Variants in NEGR1 observed in about 807,000 individuals in gnomAD.
The protein encoded by NEGR1 is IgLON family member 4.
A neutral mutation model predicts 40.9 loss-of-function variants in NEGR1; 10 were observed. The observed-to-expected ratio is 0.24, with a 90% CI of 0.15 to 0.42. The LOEUF is 0.42. Among genes scored for constraint, NEGR1 ranks in the 10% least tolerant of loss-of-function variants. The pLI, the probability that NEGR1 is intolerant of heterozygous loss-of-function variation, is 1.00. For missense variants in NEGR1, 352 were observed against 438.9 expected (o/e 0.80, Z 1.77); for synonymous variants, 185 against 166.8 (o/e 1.11, Z -0.84).
intron 1 of NEGR1, among the ~76,000 whole-genome samples, chr1:71,953,605 G>C (rs1047226268): frequency 6.6e-6 from 1 of 151,976 alleles, no homozygotes; most frequent in Non-Finnish European, 1.5e-5. Context: ...CTATCAAAAA[G>C]TATTGGATGG....
At chr1:72,015,602 T>G (rs1370805779) in intron 1 of NEGR1, among the ~76,000 whole-genome samples, 1 of 152,084 alleles carries the variant, frequency 6.6e-6, no homozygotes, top group Non-Finnish European at 1.5e-5. Flanking sequence ...CCCAGGAAGT[T>G]GAGGCTGTAC....
chr1:71,493,428 T>A (rs925377581), intron 6 of NEGR1, among the ~76,000 whole-genome samples: 3 of 152,168 alleles, frequency 2.0e-5, no homozygotes, highest in Non-Finnish European at 2.9e-5. Context: ...ATTCCCCTTG[T>A]TTTGGTAAGT....
chr1:72,272,473 ATC>A (rs1421158196), intron 1 of NEGR1, among the ~76,000 whole-genome samples: 2 of 151,972 alleles, frequency 1.3e-5, no homozygotes, highest in Admixed American at 1.3e-4. Context: ...AAACTTTATG[ATC>A]TGTTTATTAG....
intron 4 of NEGR1, among the ~76,000 whole-genome samples, chr1:71,672,149 G>A (rs1652458260): frequency 6.6e-6 from 1 of 152,058 alleles, no homozygotes; most frequent in South Asian, 2.1e-4. Context: ...AAGATTGAAG[G>A]CTTACCAGTT....
At chr1:72,170,241 G>T (rs886494373) in intron 1 of NEGR1, among the ~76,000 whole-genome samples, 12 of 152,114 alleles carry the variant, frequency 7.9e-5, no homozygotes, top group Non-Finnish European at 1.8e-4. Flanking sequence ...TAATTGACAT[G>T]AATCTATATT....
chr1:71,718,008 A>G (rs1244303302), intron 3 of NEGR1, among the ~76,000 whole-genome samples: 1 of 152,170 alleles, frequency 6.6e-6, no homozygotes, highest in Non-Finnish European at 1.5e-5. Context: ...ATTGTGAGAC[A>G]ATACATTTCT....
Position 71,776,267 on chromosome 1 carries a change from T to G in NEGR1, c.440A>C (p.Asp147Ala). Residue 147 changes from aspartate (D) to alanine (A), a missense_variant, in exon 3 of 7, where the codon GAT (aspartate) becomes GCT (alanine). Physicochemically the swap from Asp to Ala is moderately radical, Grantham distance 126 (BLOSUM62 -2). This residue lies in a region of NEGR1 where 50 missense variants were observed against 53.0 expected (regional missense o/e 0.94). Transcript: ENST00000357731. ...GTTGGTTCCTTCATTGACGGTCATA[T>G]CATTTGAGATGTCATATATCTTAGG... Reference protein sequence around the residue: ...VPPKIYDISNDMTVNEGTNVT... With the variant: ...VPPKIYDISNAMTVNEGTNVT... 1.2e-6 allele frequency: 2 copies of G among 1,602,136 alleles called. No individual in the cohort carries two copies. The highest frequency in any genetic ancestry group is 8.5e-7 in the Non-Finnish European group (1 of 1,172,068).
At chr1:72,040,671 G>T (rs1284477156) in intron 1 of NEGR1, among the ~76,000 whole-genome samples, 2 of 149,506 alleles carry the variant, frequency 1.3e-5, no homozygotes, top group Admixed American at 1.3e-4. Context: ...GGGTTTGTGT[G>T]TGTATGTGTA....
At chr1:71,576,266 T>G (rs1387418083) in intron 6 of NEGR1, among the ~76,000 whole-genome samples, 3 of 152,216 alleles carry the variant, frequency 2.0e-5, no homozygotes, top group Non-Finnish European at 2.9e-5. Context: ...TTTTTTTTGT[T>G]GTTGTTGTTC....
intron 4 of NEGR1, among the ~76,000 whole-genome samples, chr1:71,612,288 G>T (rs1036623008): frequency 1.3e-5 from 2 of 152,214 alleles, no homozygotes; most frequent in African/African-American, 4.8e-5. Context: ...GGGTATGCCA[G>T]ATTTCCTTTT....
At chr1:71,827,246 T>TA (rs1481888870) in intron 2 of NEGR1, among the ~76,000 whole-genome samples, 1 of 151,822 alleles carries the variant, frequency 6.6e-6, no homozygotes, top group African/African-American at 2.4e-5. Context: ...GTCTTTCCTT[T>TA]AAAAAAATAT....
chr1:71,620,628 C>T (rs974788377), intron 4 of NEGR1, among the ~76,000 whole-genome samples: 6 of 151,894 alleles, frequency 4.0e-5, no homozygotes, highest in South Asian at 2.1e-4. Flanking sequence ...GAATTAATTT[C>T]ACCTTAAAGG....
chr1:71,802,518 T>A (rs1166568108), intron 2 of NEGR1, among the ~76,000 whole-genome samples: 2 of 152,304 alleles, frequency 1.3e-5, no homozygotes, highest in East Asian at 3.9e-4. Context: ...AGGCAGATTA[T>A]TTACTTCTCA....
At chr1:71,653,255 T>C (rs1350427214) in intron 4 of NEGR1, among the ~76,000 whole-genome samples, 4 of 152,238 alleles carry the variant, frequency 2.6e-5, no homozygotes, top group African/African-American at 9.6e-5. Flanking sequence ...CAGTCTTTAA[T>C]TTAACTAAAA....
intron 1 of NEGR1, among the ~76,000 whole-genome samples, chr1:72,182,710 T>C: frequency 6.6e-6 from 1 of 151,840 alleles, no homozygotes; most frequent in South Asian, 2.1e-4. Context: ...ATAATTGTGT[T>C]ATATATGATG....
chr1:71,922,562 G>T (rs1489471245), intron 2 of NEGR1, among the ~76,000 whole-genome samples: 2 of 152,094 alleles, frequency 1.3e-5, no homozygotes, highest in African/African-American at 2.4e-5. Context: ...TCCATGAGAA[G>T]GGTAATTAAT....
In NEGR1 at chr1:72,148,127, C is replaced by T. The variant is rs151089913; in HGVS notation, c.176+134192G>A. On this transcript the variant is annotated intron_variant, in intron 1 of 6. Transcript: ENST00000357731. ...GAGACTCTGTGTAGGGGCTCAGACT[C>T]CACATTTCCCTTCTGCACTGTCCTA... 7.5e-3 allele frequency among the ~76,000 whole-genome samples: 1,144 copies of T among 152,240 alleles called. 17 individuals are homozygous for T. The highest frequency in any genetic ancestry group is 0.026 in the African/African-American group (1,098 of 41,548).
In NEGR1 at chr1:72,001,481, C is replaced by T. The variant is rs1426933963; in HGVS notation, c.177-66170G>A. On this transcript the variant is annotated intron_variant, in intron 1 of 6. Transcript: ENST00000357731. ...CAAATTTCATATGGACATTAACATT[C>T]ACTCTTTAGGGTCAAATTTGACCTA... is the stretch of plus-strand genomic sequence containing the variant. Among the ~76,000 whole-genome samples the T allele has an allele frequency of 3.3e-5, 5 of 151,828 alleles. No individual in the cohort carries two copies. The South Asian group carries it at 6.2e-4, about 19-fold the overall frequency.
chr1:71,823,387 C>T (rs567114), intron 2 of NEGR1, among the ~76,000 whole-genome samples: 6,699 of 151,896 alleles, frequency 0.044, 218 homozygotes, highest in African/African-American at 0.087. Context: ...TTGTTATATC[C>T]TTTCTCTCAT....
Sources: gnomAD v4.1 joint callset for allele counts (sites outside exome capture counted in the v4.1 genomes callset) on GRCh38, gnomAD v4.1.1 for gene constraint, gnomAD v4.1.1 regional missense constraint, MANE v1.5 for transcripts, NCBI Gene and HGNC (gene_info 2026-07-23, HGNC 2026-07-21) for gene names.